Variants in SLC35C1 observed in about 807,000 individuals in gnomAD.
SLC35C1 encodes GDP-fucose transporter 1.
SLC35C1 carries 8 observed loss-of-function variants against 23.2 expected under a neutral mutation model. The ratio of observed to expected loss-of-function variants is 0.35; its 90% CI spans 0.20 to 0.62. SLC35C1 has a LOEUF of 0.62. SLC35C1 is among the 20% of genes least tolerant of loss of function. The pLI, the probability that SLC35C1 is intolerant of heterozygous loss-of-function variation, is 0.75. For synonymous variants in SLC35C1, 226 were observed against 225.1 expected (o/e 1.00, Z -0.04); for missense variants, 422 against 478.6 (o/e 0.88, Z 1.10).
At position 45,812,648 on chromosome 11, in the gene SLC35C1, T is replaced by C; in HGVS notation, c.*1313T>C. On this transcript the variant is annotated 3_prime_UTR_variant, in exon 2 of 2. Coordinates refer to ENST00000314134, the MANE Select transcript of SLC35C1 (RefSeq NM_018389.5). ...GGACTCCAACCCTGTTCATGAGGGT[T>C]CCGCCCCCATGACCCAATCAGCTCC... 2.2e-6 allele frequency: 1 copy of C among 455,904 alleles called. No homozygotes were observed. The highest frequency in any genetic ancestry group is 1.5e-5 in the South Asian group (1 of 64,560). 28.2% of individuals were successfully genotyped at this position (455,904 alleles called of 1,614,324 possible).
chr11:45,812,848 T>C lies in SLC35C1; in HGVS notation c.*1513T>C, dbSNP rs1565045033. 1.1e-5 allele frequency: 4 copies of C among 351,298 alleles called. No individual in the cohort carries two copies. The highest frequency in any genetic ancestry group is 8.6e-5 in the African/African-American group (4 of 46,682). 21.8% of individuals were successfully genotyped at this position (351,298 alleles called of 1,614,324 possible). A position where few individuals can be genotyped will look rare whatever the true frequency, so the allele number is the denominator to read the frequency against. The stretch of plus-strand genomic sequence containing the variant: ...TCTGGTGGGCATTTGGTATGTCCTT[T>C]CTCTTGGGGTGATTTCTGATGTTTT... On this transcript the variant is annotated 3_prime_UTR_variant, in exon 2 of 2. Coordinates refer to ENST00000314134, the MANE Select transcript of SLC35C1 (RefSeq NM_018389.5).
rs1224589761 is a variant in SLC35C1, at chr11:45,806,086, C to T, written c.285C>T (p.Ala95=). ...TGTGCAAAGGCCTCAGCGCTCTGGC[C>T]GCCTGCTGCCCTGGTGCCGTGGACT... ...TLLCKGLSAL[A]ACCPGAVDFP... Residue 95 remains alanine, a synonymous_variant, in exon 1 of 2, where the codon GCC becomes GCT. Transcript: ENST00000314134. 2 of 1,611,534 alleles carry T rather than the reference C, an allele frequency of 1.2e-6. No individual in the cohort carries two copies. Among genetic ancestry groups the T allele is most frequent in the Non-Finnish European group, 8.5e-7 (1 of 1,179,950 alleles).
At position 45,805,659 on chromosome 11, in the gene SLC35C1, G is replaced by A. The variant is rs1470707044; in HGVS notation, c.-143G>A. On this transcript the variant is annotated 5_prime_UTR_variant, in exon 1 of 2. Transcript: ENST00000314134. ...CAAAGCAGAACTTCTCAATCCATGA[G>A]GACAATGGGGAGGCCTTTAGGCCAG... is the stretch of plus-strand genomic sequence containing the variant. The A allele has an allele frequency of 5.9e-6, 9 of 1,537,592 alleles. No homozygotes were observed. The Admixed American group carries it at 1.1e-4, about 19-fold the overall frequency.
upstream of SLC35C1, chr11:45,804,616 C>G (rs573294262): frequency 2.9e-5 from 29 of 985,744 alleles, 1 homozygote; most frequent in South Asian, 1.1e-3. Context: ...CCGAGAGAGG[C>G]GGCGTGGCCT....
rs767829587 is a variant in SLC35C1, at chr11:45,811,275, G to A, written c.1035G>A (p.Met345Ile). Residue 345 changes from methionine to isoleucine, a missense_variant, in exon 2 of 2, where the codon ATG becomes ATA. By Grantham distance (10) the Met-to-Ile change is conservative. Transcript: ENST00000314134. ...SAYTWVRGWE[M>I]KKTPEEPSPK... is the part of the protein sequence containing the mutation. Reference sequence around the variant, plus strand: ...ACACCTGGGTCAGGGGCTGGGAGATGAAGAAGACTCCGGAGGAGCCCAGCC... The same window carrying A: ...ACACCTGGGTCAGGGGCTGGGAGATAAAGAAGACTCCGGAGGAGCCCAGCC... 8.2e-6 allele frequency: 13 copies of A among 1,578,458 alleles called. No individual in the cohort carries two copies. The Admixed American group carries it at 1.6e-4, about 19-fold the overall frequency.
At position 45,805,676 on chromosome 11, in the gene SLC35C1, T is replaced by G. The variant is rs2085862341; in HGVS notation, c.-126T>G. 3 of 1,567,304 alleles carry G rather than the reference T, an allele frequency of 1.9e-6. No homozygotes were observed. Among genetic ancestry groups the G allele is most frequent in the Non-Finnish European group, 2.6e-6 (3 of 1,163,466 alleles). ...ATCCATGAGGACAATGGGGAGGCCT[T>G]TAGGCCAGCCCACATGTGACAATGG... is the stretch of plus-strand genomic sequence containing the variant. On this transcript the variant is annotated 5_prime_UTR_variant, in exon 1 of 2. Coordinates refer to ENST00000314134, the MANE Select transcript of SLC35C1 (RefSeq NM_018389.5).
At chr11:45,810,614 A>G in intron 1 of SLC35C1, 162 bp from the exon 2 acceptor site, 11 of 985,362 alleles carry the variant, frequency 1.1e-5, no homozygotes, top group Non-Finnish European at 1.3e-5. Context: ...CTTTGCCTGC[A>G]GTGGAGACTC....
rs150975146 is a variant in SLC35C1, at chr11:45,810,498, G to T, written c.536-278G>T. On this transcript the variant is annotated intron_variant, in intron 1 of 1. Coordinates refer to ENST00000314134, the MANE Select transcript of SLC35C1 (RefSeq NM_018389.5). ...TACAATTCTTACAATTGTAATTAAA[G>T]AAGTAACTGGGAAGATTTGTTTTAA... 6.7e-4 allele frequency: 665 copies of T among 985,414 alleles called. 4 individuals carry two copies. In the African/African-American group the frequency reaches 0.011, roughly 16 times the overall value. The allele number at this position is 985,414 out of a possible 1,614,324, so 61.0% of individuals were successfully genotyped here. A position where few individuals can be genotyped will look rare whatever the true frequency, so the allele number is the denominator to read the frequency against.
At chr11:45,808,917 C>T (rs940689409) in intron 1 of SLC35C1, among the ~76,000 whole-genome samples, 4 of 151,926 alleles carry the variant, frequency 2.6e-5, no homozygotes, top group African/African-American at 9.7e-5. Context: ...GCACGAGAAT[C>T]GCTTGAACCC....
chr11:45,806,362 G>A (rs1328993948), intron 1 of SLC35C1, 26 bp downstream of exon 1: 3 of 1,609,914 alleles, frequency 1.9e-6, no homozygotes, highest in Non-Finnish European at 1.7e-6. Context: ...GGCCACGGGG[G>A]ATAGAGTGGT....
intron 1 of SLC35C1, chr11:45,809,845 C>T: frequency 1.0e-6 from 1 of 985,448 alleles, no homozygotes; most frequent in Non-Finnish European, 1.2e-6. Context: ...GCTAAAAAGA[C>T]CAGACTGTCA....
chr11:45,809,642 G>A (rs966724713), intron 1 of SLC35C1: 4 of 450,726 alleles, frequency 8.9e-6, no homozygotes, highest in Non-Finnish European at 8.8e-6. Context: ...TGGAGGACAG[G>A]GAGGTGACCC....
chr11:45,811,494 G>C lies in SLC35C1; in HGVS notation c.*159G>C. ...GAATACGGTGGTTGAGAAGGAACCA[G>C]TGTTTACAAGTAATATCAGAAAGTT... On this transcript the variant is annotated 3_prime_UTR_variant, in exon 2 of 2. Transcript: ENST00000314134. 1 of 550,702 alleles carries C rather than the reference G, an allele frequency of 1.8e-6. No individual in the cohort carries two copies. Among genetic ancestry groups the C allele is most frequent in the South Asian group, 3.6e-5 (1 of 27,910 alleles). 34.1% of individuals were successfully genotyped at this position (550,702 alleles called of 1,614,324 possible).
intron 1 of SLC35C1, chr11:45,810,154 C>T (rs2134596259): frequency 1.0e-6 from 1 of 985,434 alleles, no homozygotes; most frequent in East Asian, 1.1e-4. Context: ...GTCCTCATGG[C>T]AGAAGTGGGG....
intron 1 of SLC35C1, chr11:45,810,354 C>T (rs1193318533): frequency 2.0e-6 from 2 of 985,426 alleles, no homozygotes; most frequent in Non-Finnish European, 2.4e-6. Context: ...TCACATTAAC[C>T]ACTAAGTGGC....
chr11:45,810,710 T>C, intron 1 of SLC35C1, 66 bp from the exon 2 acceptor site: 1 of 1,560,562 alleles, frequency 6.4e-7, no homozygotes, highest in Non-Finnish European at 8.6e-7. Flanking sequence ...TGATCCTCTG[T>C]CCTTCTTCCT....
rs764909821 is a variant in SLC35C1 at position 45,810,890 on chromosome 11, C to T, written c.650C>T (p.Thr217Met). The T allele has an allele frequency of 6.8e-6, 11 of 1,612,238 alleles. No individual in the cohort carries two copies. Among genetic ancestry groups the T allele is most frequent in the East Asian group, 4.5e-5 (2 of 44,888 alleles). The change falls in exon 2 of 2, where the codon ACG becomes ATG. Residue 217 changes from threonine (T) to methionine (M), a missense_variant. Thr to Met is a moderately conservative substitution (Grantham distance 81, BLOSUM62 -1). Coordinates refer to ENST00000314134, the MANE Select transcript of SLC35C1 (RefSeq NM_018389.5). ...LCVSLNAIYT[T>M]KVLPAVDGSI... ...GTCTCGCTCAACGCCATCTACACCA[C>T]GAAGGTGCTCCCGGCGGTGGACGGC... is the stretch of plus-strand genomic sequence containing the variant.
chr11:45,810,642 G>A lies in SLC35C1; in HGVS notation c.536-134G>A, dbSNP rs1439821201. 10 of 1,446,942 alleles carry A rather than the reference G, an allele frequency of 6.9e-6. No homozygotes were observed. In the African/African-American group the frequency reaches 1.4e-4, roughly 21 times the overall value. 89.6% of individuals were successfully genotyped at this position (1,446,942 alleles called of 1,614,324 possible). A position where few individuals can be genotyped will look rare whatever the true frequency, so the allele number is the denominator to read the frequency against. Reference sequence around the variant, plus strand: ...GGAGACTCTGGCTGTGCTTATTGGAGGGAGGCCTGGGGAGGAACGGGGAGG... The same window carrying A: ...GGAGACTCTGGCTGTGCTTATTGGAAGGAGGCCTGGGGAGGAACGGGGAGG... On this transcript the variant is annotated intron_variant, in intron 1 of 1. Transcript: ENST00000314134.
At chr11:45,807,247 A>G (rs1014892025) in intron 1 of SLC35C1, among the ~76,000 whole-genome samples, 1 of 152,258 alleles carries the variant, frequency 6.6e-6, no homozygotes, top group African/African-American at 2.4e-5. Context: ...TTAGAACTGC[A>G]GTATTCAATG....
Sources: allele counts gnomAD v4.1 joint callset (sites outside exome capture counted in the v4.1 genomes callset), GRCh38; gene constraint gnomAD v4.1.1; transcripts MANE v1.5; gene names NCBI Gene and HGNC (gene_info 2026-07-23, HGNC 2026-07-21).